Variants in COBLL1 observed in about 807,000 individuals in gnomAD.
COBLL1 encodes the protein cordon-bleu WH2 repeat protein like 1, also known as cordon-bleu protein-like 1.
A neutral mutation model predicts 94.8 loss-of-function variants in COBLL1; 50 were observed. The observed-to-expected ratio is 0.53, with a 90% CI of 0.42 to 0.67. The LOEUF (loss-of-function observed/expected upper bound fraction) is 0.67. Ranked by LOEUF, COBLL1 falls within the 30% of genes least tolerant of loss-of-function variation. COBLL1 has a pLI of 0.00. For synonymous variants in COBLL1, 448 were observed against 473.8 expected, an observed-to-expected ratio of 0.95 and a Z score of 0.71; for missense variants, 1,362 against 1,348.7, an observed-to-expected ratio of 1.01 and a Z score of -0.15.
chr2:164,698,402 T>TTA (rs927307172), intron 11 of COBLL1: 11 of 143,768 alleles, frequency 7.7e-5, no homozygotes, highest in East Asian at 1.9e-4. Context: ...ATATATATAA[T>TTA]TATATATATA....
chr2:164,658,190 C>T (rs1178774385), intron 2 of COBLL1, among the ~76,000 whole-genome samples: 1 of 152,254 alleles, frequency 6.6e-6, no homozygotes, highest in East Asian at 1.9e-4. Context: ...GTCACCTTCC[C>T]AGCTAGGCTT....
chr2:164,835,615 A>G (rs1225826514), intron 2 of COBLL1, among the ~76,000 whole-genome samples: 1 of 152,220 alleles, frequency 6.6e-6, no homozygotes, highest in Non-Finnish European at 1.5e-5. Context: ...CCACTGAACC[A>G]TGCAGTTAAA....
At chr2:164,799,641 A>T (rs961938449) in intron 2 of COBLL1, among the ~76,000 whole-genome samples, 14 of 152,312 alleles carry the variant, frequency 9.2e-5, no homozygotes, top group African/African-American at 2.2e-4. Context: ...CTAGAATTTT[A>T]AAAAAGGCAA....
chr2:164,817,357 A>G (rs2105350647), intron 2 of COBLL1, among the ~76,000 whole-genome samples: 1 of 112,310 alleles, frequency 8.9e-6, no homozygotes, highest in East Asian at 2.1e-4. Flanking sequence ...GTAATGGTAT[A>G]TATTAAAAAA....
intron 2 of COBLL1, among the ~76,000 whole-genome samples, chr2:164,661,533 T>A (rs1180638817): frequency 6.6e-6 from 1 of 152,144 alleles, no homozygotes; most frequent in African/African-American, 2.4e-5. Flanking sequence ...CATTTCCACA[T>A]AAATTAAACA....
chr2:164,748,033 G>A (rs147029516), intron 2 of COBLL1, among the ~76,000 whole-genome samples: 18 of 152,202 alleles, frequency 1.2e-4, no homozygotes, highest in Admixed American at 9.8e-4. Context: ...AGCTGTGTGT[G>A]GTGGGGAGCA....
At chr2:164,824,437 A>T (rs1431542607) in intron 2 of COBLL1, among the ~76,000 whole-genome samples, 1 of 152,108 alleles carries the variant, frequency 6.6e-6, no homozygotes, top group Non-Finnish European at 1.5e-5. Flanking sequence ...AGCATTATCT[A>T]AAATATATCT....
intron 2 of COBLL1, among the ~76,000 whole-genome samples, chr2:164,750,394 C>G (rs1049870106): frequency 6.6e-6 from 1 of 152,154 alleles, no homozygotes; most frequent in Non-Finnish European, 1.5e-5. Context: ...CCTCTCTGTC[C>G]TTTATCTCCT....
intron 2 of COBLL1, among the ~76,000 whole-genome samples, chr2:164,782,266 C>A (rs929397905): frequency 3.9e-5 from 6 of 152,102 alleles, no homozygotes; most frequent in African/African-American, 1.4e-4. Flanking sequence ...GTTTCACTTG[C>A]TCCTTTAATA....
At chr2:164,690,773 G>A (rs777424218) in intron 13 of COBLL1, among the ~76,000 whole-genome samples, 2 of 152,066 alleles carry the variant, frequency 1.3e-5, no homozygotes, top group Non-Finnish European at 2.9e-5. Context: ...TCAGTATCTA[G>A]TACAATATTT....
Position 164,841,432 on chromosome 2 carries a change from TA to T in COBLL1, c.-50-187del. ...GCGCCGCCGCCGTCTCTACAAGGTC[TA>T]GCGGGCGCCCAGAGCACGGCGGAGG... On this transcript the variant is annotated intron_variant, in intron 1 of 13. Transcript: ENST00000652658. The surrounding 1 kb of genome is among the most constrained non-coding windows in gnomAD (Gnocchi z 5.5). 8.7e-7 allele frequency: 1 copy of T among 1,145,718 alleles called. No homozygotes were observed. Among genetic ancestry groups the T allele is most frequent in the Non-Finnish European group, 1.1e-6 (1 of 933,752 alleles). 71.0% of individuals were successfully genotyped at this position (1,145,718 alleles called of 1,614,324 possible).
In COBLL1 at chr2:164,841,046, A is replaced by G. The variant is rs1574686838; in HGVS notation, c.41+110T>C. ...CCGCGTGGAGGACAGTCAGTGAGTCAGGCCGCCGGCAGGGCAGCGAGTTGC... is the reference window on the plus strand; with the variant it reads ...CCGCGTGGAGGACAGTCAGTGAGTCGGGCCGCCGGCAGGGCAGCGAGTTGC... On this transcript the variant is annotated intron_variant, in intron 2 of 13. Coordinates refer to ENST00000652658, the MANE Select transcript of COBLL1 (RefSeq NM_001365672.2). The surrounding 1 kb of genome is among the most constrained non-coding windows in gnomAD (Gnocchi z 5.5). The G allele has an allele frequency of 8.7e-7, 1 of 1,147,068 alleles. No homozygotes were observed. The highest frequency in any genetic ancestry group is 1.1e-6 in the Non-Finnish European group (1 of 912,712). 71.1% of individuals were successfully genotyped at this position (1,147,068 alleles called of 1,614,324 possible).
chr2:164,756,812 A>T (rs1687432188), intron 2 of COBLL1, among the ~76,000 whole-genome samples: 1 of 152,198 alleles, frequency 6.6e-6, no homozygotes, highest in Admixed American at 6.5e-5. Flanking sequence ...AATCACCAAG[A>T]GTTATTGATA....
At chr2:164,677,163 G>C (rs149286086), downstream of COBLL1, among the ~76,000 whole-genome samples, 1,210 of 152,216 alleles carry the variant, frequency 7.9e-3, 13 homozygotes, top group African/African-American at 0.028. Context: ...GTTGCCTTCT[G>C]TGGCTTTCTT....
chr2:164,820,920 C>T (rs1347158300), intron 2 of COBLL1, among the ~76,000 whole-genome samples: 1 of 152,184 alleles, frequency 6.6e-6, no homozygotes, highest in Non-Finnish European at 1.5e-5. Flanking sequence ...TGGAGTCTTG[C>T]TCTGTCGCCC....
At chr2:164,677,679 C>T (rs1464594719), downstream of COBLL1, among the ~76,000 whole-genome samples, 1 of 152,180 alleles carries the variant, frequency 6.6e-6, no homozygotes, top group Non-Finnish European at 1.5e-5. Flanking sequence ...ACCCTTCTCA[C>T]AAATGTCTTG....
At chr2:164,687,434 T>C (rs2105410159) in intron 13 of COBLL1, 2 of 1,125,436 alleles carry the variant, frequency 1.8e-6, no homozygotes, top group Non-Finnish European at 2.7e-6. Flanking sequence ...AAGTGGATCG[T>C]CTGGCAGCCA....
At chr2:164,718,807 A>C (rs1001148564) in intron 7 of COBLL1, among the ~76,000 whole-genome samples, 1 of 152,212 alleles carries the variant, frequency 6.6e-6, no homozygotes, top group Non-Finnish European at 1.5e-5. Context: ...GAAATGAAGA[A>C]GATGGAAGTG....
At chr2:164,741,262 C>T (rs1038802996) in intron 3 of COBLL1, among the ~76,000 whole-genome samples, 2 of 151,700 alleles carry the variant, frequency 1.3e-5, no homozygotes, top group African/African-American at 2.4e-5. Flanking sequence ...CGCAACAGAG[C>T]AAGACTGTCT....
Sources: allele counts gnomAD v4.1 joint callset (sites outside exome capture counted in the v4.1 genomes callset), GRCh38; gene constraint gnomAD v4.1.1; non-coding constraint Gnocchi (gnomAD v3.1); transcripts MANE v1.5; gene names NCBI Gene and HGNC (gene_info 2026-07-23, HGNC 2026-07-21).